FAM241A: variants seen among roughly 807,000 people sequenced by gnomAD.
The protein encoded by FAM241A is uncharacterized protein FAM241A.
A neutral mutation model predicts 12.2 loss-of-function variants in FAM241A; 7 were observed. The observed-to-expected ratio is 0.58, with a 90% CI of 0.33 to 1.08. The LOEUF (loss-of-function observed/expected upper bound fraction) is 1.08. FAM241A is among the 50% of genes least tolerant of loss of function. The pLI, the probability that FAM241A is intolerant of heterozygous loss-of-function variation, is 0.04. For missense variants in FAM241A, 161 were observed against 169.7 expected (o/e 0.95, Z 0.29); for synonymous variants, 74 against 68.2 (o/e 1.08, Z -0.42).
At chr4:112,180,266 C>T (rs1723907719) in intron 1 of FAM241A, among the ~76,000 whole-genome samples, 1 of 152,030 alleles carries the variant, frequency 6.6e-6, no homozygotes, top group African/African-American at 2.4e-5. Flanking sequence ...TGCTCACTGC[C>T]TGAGTGATGG....
intron 1 of FAM241A, among the ~76,000 whole-genome samples, chr4:112,184,631 T>C (rs1724004037): frequency 6.6e-6 from 1 of 152,174 alleles, no homozygotes; most frequent in Admixed American, 6.6e-5. Flanking sequence ...TTCTACTACC[T>C]CATCAGTCCC....
chr4:112,184,258 A>C (rs965451978), intron 1 of FAM241A, among the ~76,000 whole-genome samples: 1 of 152,230 alleles, frequency 6.6e-6, no homozygotes. Flanking sequence ...GGCCGGGCAC[A>C]GTGGCTCACG....
intron 1 of FAM241A, among the ~76,000 whole-genome samples, chr4:112,154,203 CA>C (rs1723305070): frequency 1.3e-5 from 2 of 152,226 alleles, no homozygotes; most frequent in Non-Finnish European, 2.9e-5. Flanking sequence ...AGTCATTTTT[CA>C]GGAGAGATAT....
chr4:112,174,873 T>C (rs1000445752), intron 1 of FAM241A, among the ~76,000 whole-genome samples: 4 of 152,202 alleles, frequency 2.6e-5, no homozygotes, highest in African/African-American at 9.6e-5. Context: ...AATAAACTAT[T>C]CTGACCCCTT....
intron 1 of FAM241A, among the ~76,000 whole-genome samples, chr4:112,160,067 T>A (rs1490639493): frequency 6.6e-6 from 1 of 152,136 alleles, no homozygotes; most frequent in Non-Finnish European, 1.5e-5. Context: ...ACTGATAAAT[T>A]CAATAAAGTT....
intron 1 of FAM241A, among the ~76,000 whole-genome samples, chr4:112,186,207 C>T (rs1704784237): frequency 6.6e-6 from 1 of 151,968 alleles, no homozygotes; most frequent in South Asian, 2.1e-4. Flanking sequence ...TAATAAGAGG[C>T]ATTTAGGGCA....
Position 112,187,802 on chromosome 4 carries a change from T to C in FAM241A, c.*864T>C, listed in dbSNP as rs1000500624. On this transcript the variant is annotated 3_prime_UTR_variant, in exon 2 of 2. Coordinates refer to ENST00000309733, the MANE Select transcript of FAM241A (RefSeq NM_152400.3). ...AGAAATTTATAATTTTATAGTTCTT[T>C]CATAACACTTATTCTGAGTTTTGAA... 2 of 152,516 alleles carry C rather than the reference T, an allele frequency of 1.3e-5. No individual in the cohort carries two copies. The highest frequency in any genetic ancestry group is 4.8e-5 in the African/African-American group (2 of 41,436). The allele number at this position is 152,516 out of a possible 1,614,324, so 9.4% of individuals were successfully genotyped here.
At chr4:112,178,862 G>A (rs1723872901) in intron 1 of FAM241A, among the ~76,000 whole-genome samples, 1 of 152,002 alleles carries the variant, frequency 6.6e-6, no homozygotes. Context: ...AGACATAAAA[G>A]CGGCCATGAA....
At chr4:112,179,605 G>A (rs1379068093) in intron 1 of FAM241A, among the ~76,000 whole-genome samples, 1 of 151,864 alleles carries the variant, frequency 6.6e-6, no homozygotes. Context: ...TATATCTAAT[G>A]TAAATGACGA....
chr4:112,150,261 T>C (rs1723221713), intron 1 of FAM241A, among the ~76,000 whole-genome samples: 1 of 152,150 alleles, frequency 6.6e-6, no homozygotes, highest in East Asian at 1.9e-4. Context: ...GTATTAAGTT[T>C]TTATATTTTT....
At chr4:112,183,040 C>T (rs1723972910) in intron 1 of FAM241A, among the ~76,000 whole-genome samples, 1 of 151,716 alleles carries the variant, frequency 6.6e-6, no homozygotes, top group African/African-American at 2.4e-5. Flanking sequence ...TTGTTTGAAC[C>T]CCCTATCCAA....
intron 1 of FAM241A, among the ~76,000 whole-genome samples, chr4:112,179,083 A>G (rs532732740): frequency 2.0e-5 from 3 of 152,214 alleles, no homozygotes; most frequent in Admixed American, 1.3e-4. Context: ...AAGAACTTCA[A>G]ACACTCTGAT....
At chr4:112,177,104 A>G (rs575002843) in intron 1 of FAM241A, among the ~76,000 whole-genome samples, 1 of 152,276 alleles carries the variant, frequency 6.6e-6, no homozygotes, top group African/African-American at 2.4e-5. Flanking sequence ...TACTTTTAAA[A>G]GCATGAAAAT....
In FAM241A at chr4:112,190,817, GTC is replaced by G. The variant is rs1441404389; in HGVS notation, c.*3885_*3886del. 6.6e-6 allele frequency: 1 copy of G among 151,760 alleles called. No individual in the cohort carries two copies. The highest frequency in any genetic ancestry group is 2.4e-5 in the African/African-American group (1 of 41,302). The allele number at this position is 151,760 out of a possible 1,614,324, so 9.4% of individuals were successfully genotyped here. ...GGATTAGAGGTCATTTGCAACTCTT[GTC>G]TCTCTGCCCAACATTTAATTTTTGG... On this transcript the variant is annotated 3_prime_UTR_variant, in exon 2 of 2. Coordinates refer to ENST00000309733, the MANE Select transcript of FAM241A (RefSeq NM_152400.3).
At chr4:112,179,978 A>G (rs1041888185) in intron 1 of FAM241A, among the ~76,000 whole-genome samples, 8 of 138,650 alleles carry the variant, frequency 5.8e-5, no homozygotes, top group Non-Finnish European at 1.1e-4. Flanking sequence ...TATATCACAT[A>G]TATTACATAA....
chr4:112,171,182 ACTTT>A (rs1453608927), intron 1 of FAM241A: 5 of 583,184 alleles, frequency 8.6e-6, no homozygotes, highest in African/African-American at 1.9e-5. Flanking sequence ...TATTATTTTT[ACTTT>A]CTTTCTGTGC....
intron 1 of FAM241A, among the ~76,000 whole-genome samples, chr4:112,146,806 G>T (rs1387511518): frequency 6.6e-6 from 1 of 152,232 alleles, no homozygotes; most frequent in South Asian, 2.1e-4. Context: ...CACAAAATAT[G>T]CCTTAGCGTT....
chr4:112,179,914 G>GACACATATATATATATATAT (rs1479640205), intron 1 of FAM241A, among the ~76,000 whole-genome samples: 4 of 117,770 alleles, frequency 3.4e-5, no homozygotes, highest in Admixed American at 2.7e-4. Flanking sequence ...AAGAAAATGT[G>GACACATATATATATATATAT]ATATATATAT....
chr4:112,175,976 C>G (rs190576491), intron 1 of FAM241A, among the ~76,000 whole-genome samples: 5 of 152,248 alleles, frequency 3.3e-5, no homozygotes, highest in African/African-American at 4.8e-5. Context: ...AACACAACAA[C>G]ATGTAATACT....
Sources: allele counts gnomAD v4.1 joint callset (sites outside exome capture counted in the v4.1 genomes callset), GRCh38; gene constraint gnomAD v4.1.1; transcripts MANE v1.5; gene names NCBI Gene and HGNC (gene_info 2026-07-23, HGNC 2026-07-21).